The following ADAMTS17 variants were observed in gnomAD, a reference collection of about 807,000 sequenced individuals.
The protein encoded by ADAMTS17 is A disintegrin and metalloproteinase with thrombospondin motifs 17.
A neutral mutation model predicts 141.5 loss-of-function variants in ADAMTS17; 113 were observed. The observed-to-expected ratio is 0.80, with a 90% CI of 0.69 to 0.93. The LOEUF is 0.93. ADAMTS17 is among the 40% of genes least tolerant of loss of function. The pLI, the probability that ADAMTS17 is intolerant of heterozygous loss-of-function variation, is 0.00. For missense variants in ADAMTS17, 1,659 were observed against 1,517.9 expected (o/e 1.09, Z -1.54); for synonymous variants, 768 against 630.6 (o/e 1.22, Z -3.27).
At chr15:99,975,939 G>T in intron 21 of ADAMTS17, 106 bp downstream of exon 21, 1 of 1,259,422 alleles carries the variant, frequency 7.9e-7, no homozygotes. Flanking sequence ...GACAAGTGAG[G>T]CCCAAGAAGG....
intron 20 of ADAMTS17, among the ~76,000 whole-genome samples, chr15:99,986,148 G>A (rs1332679914): frequency 1.3e-5 from 2 of 151,422 alleles, no homozygotes; most frequent in Non-Finnish European, 3.0e-5. Flanking sequence ...GGCAGGCCTT[G>A]CAGGGTGGGG....
Position 100,251,398 on chromosome 15 carries a change from T to C in ADAMTS17, c.1075+2738A>G, listed in dbSNP as rs1445772865. On this transcript the variant is annotated intron_variant, in intron 7 of 21. Transcript: ENST00000268070. ...CTTATGTAGAAACCCTAACTCCCAA[T>C]GTGACTATAGGTAGAGAGAGGACCT... 3.3e-5 allele frequency among the ~76,000 whole-genome samples: 5 copies of C among 152,202 alleles called. No individual in the cohort carries two copies. In the South Asian group the frequency reaches 1.0e-3, roughly 31 times the overall value.
chr15:100,193,040 C>T (rs1413866236), intron 8 of ADAMTS17, among the ~76,000 whole-genome samples: 1 of 152,246 alleles, frequency 6.6e-6, no homozygotes, highest in Admixed American at 6.5e-5. Context: ...CACAGCATCA[C>T]ATCTGGCTGG....
Position 100,152,643 on chromosome 15 carries a change from C to A in ADAMTS17, c.1442G>T (p.Gly481Val), listed in dbSNP as rs1460231307. The A allele has an allele frequency of 6.2e-7, 1 of 1,614,112 alleles. No individual in the cohort carries two copies. Among genetic ancestry groups the A allele is most frequent in the East Asian group, 2.2e-5 (1 of 44,870 alleles). ...SANEQCQILF[G>V]MNATFCRNME... The stretch of plus-strand genomic sequence containing the variant: ...GTTTCTGCAGAAGGTGGCATTCATG[C>A]CAAACAGGATCTGGCACTGCTCGTT... The change falls in exon 10 of 22, where the codon GGC (glycine) becomes GTC (valine). Residue 481 changes from glycine to valine, a missense_variant. Transcript: ENST00000268070.
At chr15:100,077,410 C>T (rs1011682653) in intron 15 of ADAMTS17, among the ~76,000 whole-genome samples, 7 of 149,576 alleles carry the variant, frequency 4.7e-5, no homozygotes, top group Non-Finnish European at 7.4e-5. Context: ...TGCAGTGATC[C>T]GAGATTGTGC....
intron 18 of ADAMTS17, among the ~76,000 whole-genome samples, chr15:100,006,472 C>G (rs936513086): frequency 6.6e-6 from 1 of 152,202 alleles, no homozygotes; most frequent in African/African-American, 2.4e-5. Flanking sequence ...ATGCCATCAT[C>G]AGGGTCACAC....
At chr15:100,144,049 T>C (rs1431227598) in intron 10 of ADAMTS17, among the ~76,000 whole-genome samples, 2 of 150,112 alleles carry the variant, frequency 1.3e-5, no homozygotes, top group African/African-American at 5.1e-5. Flanking sequence ...TGCATAATTA[T>C]AAAATACATA....
intron 10 of ADAMTS17, among the ~76,000 whole-genome samples, chr15:100,135,408 C>G (rs539044738): frequency 2.0e-5 from 3 of 152,018 alleles, no homozygotes; most frequent in East Asian, 1.9e-4. Flanking sequence ...CTCAGCCTTC[C>G]GAGTAGCTGG....
At chr15:100,223,748 A>ATG (rs937409603) in intron 7 of ADAMTS17, among the ~76,000 whole-genome samples, 1 of 148,156 alleles carries the variant, frequency 6.7e-6, no homozygotes, top group African/African-American at 2.6e-5. Flanking sequence ...GTATGTGTAT[A>ATG]TATATATACA....
At chr15:100,100,205 A>G (rs8027191) in intron 14 of ADAMTS17, among the ~76,000 whole-genome samples, 26,770 of 152,212 alleles carry the variant, frequency 0.18, 2,478 homozygotes, top group Admixed American at 0.22. Context: ...ATGCCCTGGA[A>G]GCCAAGGATG....
intron 15 of ADAMTS17, among the ~76,000 whole-genome samples, chr15:100,060,393 C>T (rs1448879260): frequency 6.6e-6 from 1 of 152,134 alleles, no homozygotes; most frequent in African/African-American, 2.4e-5. Flanking sequence ...GGTCTCTGGC[C>T]CTTCTTCCTC....
intron 7 of ADAMTS17, among the ~76,000 whole-genome samples, chr15:100,214,995 C>A (rs1817821726): frequency 6.6e-6 from 1 of 152,206 alleles, no homozygotes; most frequent in African/African-American, 2.4e-5. Flanking sequence ...TCTTTTACAC[C>A]TCCATTTGGT....
At chr15:100,319,754 A>G (rs565579595) in intron 3 of ADAMTS17, among the ~76,000 whole-genome samples, 1 of 152,030 alleles carries the variant, frequency 6.6e-6, no homozygotes, top group South Asian at 2.1e-4. Context: ...CTCAAAAAAG[A>G]CTTCAAATAA....
intron 3 of ADAMTS17, among the ~76,000 whole-genome samples, chr15:100,292,122 GACGCTCAGCCCGTGGGGAGTCACGAGAC>G (rs1567496833): frequency 1.4e-5 from 2 of 146,664 alleles, no homozygotes; most frequent in Non-Finnish European, 3.0e-5. Context: ...AGTCACGAGA[GACGCTCAGCCCGTGGGGAGTCACGAGAC>G]ACGCTCACCC....
intron 8 of ADAMTS17, among the ~76,000 whole-genome samples, chr15:100,159,515 G>A (rs2039592536): frequency 6.6e-6 from 1 of 152,194 alleles, no homozygotes; most frequent in African/African-American, 2.4e-5. Flanking sequence ...AATAAAACTG[G>A]TGAGAGAGTT....
chr15:100,312,770 T>C (rs893107468), intron 3 of ADAMTS17, among the ~76,000 whole-genome samples: 4 of 152,126 alleles, frequency 2.6e-5, no homozygotes, highest in African/African-American at 9.7e-5. Flanking sequence ...AGTACAAAGA[T>C]AGACACAAAA....
intron 12 of ADAMTS17, 127 bp from the exon 13 acceptor site, chr15:100,117,140 C>G: frequency 8.9e-7 from 1 of 1,118,064 alleles, no homozygotes; most frequent in Non-Finnish European, 1.3e-6. Context: ...GCCACCCCCT[C>G]TCTGCTGTTA....
At chr15:100,152,568 G>A (rs1453720830) in intron 10 of ADAMTS17, 44 bp downstream of exon 10, 1 of 1,609,676 alleles carries the variant, frequency 6.2e-7, no homozygotes, top group African/African-American at 1.3e-5. Flanking sequence ...TGGGAGGGCT[G>A]GATCCATGCT....
chr15:100,317,509 G>A (rs1220786006), intron 3 of ADAMTS17, among the ~76,000 whole-genome samples: 1 of 152,098 alleles, frequency 6.6e-6, no homozygotes, highest in Non-Finnish European at 1.5e-5. Context: ...TCGCTCAGCT[G>A]ACCCCTAACA....
Sources: allele counts gnomAD v4.1 joint callset (sites outside exome capture counted in the v4.1 genomes callset), GRCh38; gene constraint gnomAD v4.1.1; transcripts MANE v1.5; gene names NCBI Gene and HGNC (gene_info 2026-07-23, HGNC 2026-07-21).